Variants in KANSL1L observed in about 807,000 individuals in gnomAD.
KANSL1L encodes the protein KAT8 regulatory NSL complex subunit 1-like protein.
In KANSL1L, 25 loss-of-function variants were observed where a neutral mutation model predicts 108.6. That is an observed-to-expected ratio of 0.23 (90% CI 0.17 to 0.32). The LOEUF (loss-of-function observed/expected upper bound fraction) is 0.32. Ranked by LOEUF, KANSL1L falls within the 10% of genes least tolerant of loss-of-function variation. KANSL1L has a pLI of 1.00. For synonymous variants in KANSL1L, 405 were observed against 395.1 expected, an observed-to-expected ratio of 1.03 and a Z score of -0.30; for missense variants, 1,137 against 1,125.7, an observed-to-expected ratio of 1.01 and a Z score of -0.14.
At chr2:210,131,949 G>A (rs574867686) in intron 2 of KANSL1L, among the ~76,000 whole-genome samples, 4 of 151,976 alleles carry the variant, frequency 2.6e-5, no homozygotes, top group East Asian at 3.9e-4. Context: ...TACCCGCCTC[G>A]GCCTCCCAAA....
At chr2:210,047,683 T>C (rs1157192481) in intron 6 of KANSL1L, among the ~76,000 whole-genome samples, 1 of 152,222 alleles carries the variant, frequency 6.6e-6, no homozygotes, top group Non-Finnish European at 1.5e-5. Context: ...TCAGAATCAC[T>C]TGAGTATCTG....
intron 1 of KANSL1L, among the ~76,000 whole-genome samples, chr2:210,155,614 C>T (rs561920446): frequency 7.2e-5 from 11 of 152,230 alleles, no homozygotes; most frequent in South Asian, 2.1e-4. Context: ...GTCAGATAAC[C>T]GCTAAAGATT....
At position 210,116,745 on chromosome 2, in the gene KANSL1L, T is replaced by C. The variant is rs1470899981; in HGVS notation, c.1230+12286A>G. On this transcript the variant is annotated intron_variant, in intron 3 of 14. Transcript: ENST00000281772. ...ATCACAACACCCAAGGGTGTTTCAA[T>C]ATCTAGAAAGCATTCTCAAGAAGGA... 2.0e-5 allele frequency among the ~76,000 whole-genome samples: 3 copies of C among 152,158 alleles called. No individual in the cohort carries two copies. The East Asian group carries it at 5.8e-4, about 29-fold the overall frequency.
At chr2:210,058,502 G>A (rs751006577) in intron 6 of KANSL1L, among the ~76,000 whole-genome samples, 6 of 151,986 alleles carry the variant, frequency 3.9e-5, no homozygotes, top group South Asian at 2.1e-4. Context: ...CACCCTATTC[G>A]TACAGTCCCC....
intron 3 of KANSL1L, among the ~76,000 whole-genome samples, chr2:210,115,654 C>A (rs1275942097): frequency 6.6e-6 from 1 of 152,170 alleles, no homozygotes; most frequent in Non-Finnish European, 1.5e-5. Flanking sequence ...GACATCACAG[C>A]CTAAATTTAC....
rs147624638 is a variant in KANSL1L, at chr2:210,043,492, T to C, written c.1921+447A>G. 2.0e-3 allele frequency: 306 copies of C among 153,982 alleles called. 1 individual carries two copies. Among genetic ancestry groups the C allele is most frequent in the South Asian group, 3.5e-3 (17 of 4,904 alleles). 9.5% of individuals were successfully genotyped at this position (153,982 alleles called of 1,614,324 possible). ...ATACTCTTGAGGTTGACTATACTTA[T>C]AGGTACGCAGTTTTCTTCCCTCTGC... On this transcript the variant is annotated intron_variant, in intron 7 of 14. Coordinates refer to ENST00000281772, the MANE Select transcript of KANSL1L (RefSeq NM_152519.4).
At chr2:210,139,710 G>C (rs1002846070) in intron 2 of KANSL1L, among the ~76,000 whole-genome samples, 1 of 150,030 alleles carries the variant, frequency 6.7e-6, no homozygotes, top group East Asian at 2.0e-4. Context: ...TTTGGAAAAA[G>C]AAATTGTCTA....
At chr2:210,056,520 A>T (rs1378666177) in intron 6 of KANSL1L, among the ~76,000 whole-genome samples, 1 of 152,022 alleles carries the variant, frequency 6.6e-6, no homozygotes, top group African/African-American at 2.4e-5. Context: ...TCGCTCTGTC[A>T]CCCAGGCTGG....
chr2:210,168,592 G>A (rs1306451878), intron 1 of KANSL1L, among the ~76,000 whole-genome samples: 1 of 152,058 alleles, frequency 6.6e-6, no homozygotes, highest in Non-Finnish European at 1.5e-5. Flanking sequence ...AGATGAATGA[G>A]TAAAGGAAAT....
chr2:210,127,867 T>A (rs2095083307), intron 3 of KANSL1L, among the ~76,000 whole-genome samples: 1 of 131,340 alleles, frequency 7.6e-6, no homozygotes, highest in African/African-American at 2.8e-5. Context: ...ATATATCTGA[T>A]AAGAAATTAA....
At chr2:210,158,809 A>G (rs1330962789) in intron 1 of KANSL1L, among the ~76,000 whole-genome samples, 1 of 152,212 alleles carries the variant, frequency 6.6e-6, no homozygotes, top group Non-Finnish European at 1.5e-5. Context: ...AATTATGTTC[A>G]GTATAGTTTT....
chr2:210,167,554 T>C (rs1688060355), intron 1 of KANSL1L, among the ~76,000 whole-genome samples: 1 of 152,170 alleles, frequency 6.6e-6, no homozygotes, highest in Middle Eastern at 3.4e-3. Context: ...TTGCTCAGTC[T>C]ATATACTTTA....
chr2:210,070,644 G>A (rs2094500936), intron 6 of KANSL1L, among the ~76,000 whole-genome samples: 1 of 152,060 alleles, frequency 6.6e-6, no homozygotes. Context: ...TAACAAAAAT[G>A]TCCACTGTAT....
At chr2:210,119,409 T>A (rs1163769228) in intron 3 of KANSL1L, among the ~76,000 whole-genome samples, 1 of 152,058 alleles carries the variant, frequency 6.6e-6, no homozygotes, top group East Asian at 1.9e-4. Flanking sequence ...TATAGGCAAA[T>A]ATCCCTGATT....
intron 3 of KANSL1L, among the ~76,000 whole-genome samples, chr2:210,127,798 C>CAAAAAAAAAAAAAAAA (rs55979027): frequency 1.4e-4 from 4 of 28,124 alleles, no homozygotes; most frequent in Admixed American, 7.4e-4. Flanking sequence ...GACTCTGCCT[C>CAAAAAAAAAAAAAAAA]AAAAAAAAAA....
chr2:210,165,933 A>AGG, intron 1 of KANSL1L, among the ~76,000 whole-genome samples: 1 of 152,188 alleles, frequency 6.6e-6, no homozygotes, highest in South Asian at 2.1e-4. Flanking sequence ...TTTTATGTAT[A>AGG]GTTATAACTG....
chr2:210,127,220 C>T (rs984861464), intron 3 of KANSL1L, among the ~76,000 whole-genome samples: 12 of 152,056 alleles, frequency 7.9e-5, no homozygotes, highest in African/African-American at 2.9e-4. Context: ...TCTTTTCAAC[C>T]AGGTAAAACT....
chr2:210,037,441 C>T (rs1332132586), intron 8 of KANSL1L, among the ~76,000 whole-genome samples: 2 of 152,060 alleles, frequency 1.3e-5, no homozygotes, highest in African/African-American at 4.8e-5. Context: ...CAAGTGAAAT[C>T]GCATCATTAA....
At chr2:210,077,570 A>T (rs1464703047) in intron 5 of KANSL1L, among the ~76,000 whole-genome samples, 2 of 152,158 alleles carry the variant, frequency 1.3e-5, no homozygotes, top group Non-Finnish European at 2.9e-5. Flanking sequence ...CAGTTAAGTC[A>T]GGAGATGTAG....
Sources: allele counts gnomAD v4.1 joint callset (sites outside exome capture counted in the v4.1 genomes callset), GRCh38; gene constraint gnomAD v4.1.1; transcripts MANE v1.5; gene names NCBI Gene and HGNC (gene_info 2026-07-23, HGNC 2026-07-21).